The following TLN2 variants were observed in gnomAD, a reference collection of about 807,000 sequenced individuals.
TLN2 encodes talin 2.
Under a neutral mutation model 294.7 loss-of-function variants are expected in TLN2, and 118 were observed. The observed-to-expected ratio is 0.40, with a 90% CI of 0.34 to 0.47. The LOEUF (loss-of-function observed/expected upper bound fraction) is 0.47, where lower values mean the gene tolerates loss of function less well. Ranked by LOEUF, TLN2 falls within the 20% of genes least tolerant of loss-of-function variation. The probability of loss-of-function intolerance (pLI) is 0.84; values close to 1 mark genes in which losing one functional copy is unlikely to be tolerated. For synonymous variants in TLN2, 1,431 were observed against 1,304.5 expected (o/e 1.10, Z -2.09); for missense variants, 3,083 against 3,282.2 (o/e 0.94, Z 1.48).
rs567824202 is a variant in TLN2 at position 62,402,305 on chromosome 15, C to T, written c.-238+11620C>T. Among the ~76,000 whole-genome samples the T allele has an allele frequency of 7.2e-5, 11 of 152,238 alleles. No individual in the cohort carries two copies. In the South Asian group the frequency reaches 8.3e-4, roughly 11 times the overall value. On this transcript the variant is annotated intron_variant, in intron 1 of 58. Coordinates refer to ENST00000636159, the MANE Select transcript of TLN2 (RefSeq NM_015059.3). Reference sequence around the variant, plus strand: ...TGTAGACCTAATCATTACTGATAACCGCACCTCCAGCAAAATCTGGACAAA... The same window carrying T: ...TGTAGACCTAATCATTACTGATAACTGCACCTCCAGCAAAATCTGGACAAA...
intron 1 of TLN2, among the ~76,000 whole-genome samples, chr15:62,391,642 C>T (rs537569333): frequency 6.6e-6 from 1 of 151,636 alleles, no homozygotes; most frequent in South Asian, 2.1e-4. Context: ...GGAAAGTTTG[C>T]GCGCCGAGGC....
intron 40 of TLN2, among the ~76,000 whole-genome samples, chr15:62,764,962 A>C: frequency 9.6e-6 from 1 of 104,574 alleles, no homozygotes; most frequent in African/African-American, 3.8e-5. Flanking sequence ...ACAGAGCGAG[A>C]CTCCATCTTA....
chr15:62,532,521 C>T (rs1319808222), intron 1 of TLN2, among the ~76,000 whole-genome samples: 1 of 152,188 alleles, frequency 6.6e-6, no homozygotes, highest in African/African-American at 2.4e-5. Context: ...ACATGCTGCC[C>T]ACTGTCCCTG....
chr15:62,792,890 A>C, intron 46 of TLN2, 103 bp downstream of exon 46: 4 of 1,506,458 alleles, frequency 2.7e-6, no homozygotes, highest in Non-Finnish European at 3.6e-6. Context: ...AAACTAACCC[A>C]GCTGACTCAG....
chr15:62,728,193 A>G (rs1476168445), intron 28 of TLN2, among the ~76,000 whole-genome samples: 1 of 152,050 alleles, frequency 6.6e-6, no homozygotes, highest in Non-Finnish European at 1.5e-5. Flanking sequence ...GCATAGATTA[A>G]TTTTGCCTGT....
At chr15:62,617,860 G>A (rs79529081) in intron 2 of TLN2, among the ~76,000 whole-genome samples, 3 of 152,128 alleles carry the variant, frequency 2.0e-5, no homozygotes, top group Non-Finnish European at 4.4e-5. Context: ...TTATGAAACC[G>A]GAAGCAGAAC....
In TLN2 at chr15:62,783,906, A is replaced by T; in HGVS notation, c.5736+16A>T. ...ACCAGAGGAGGTCTGCCACCTTAAGACCCCTATTTTAAGATGCACACACAC... is the reference window on the plus strand; with the variant it reads ...ACCAGAGGAGGTCTGCCACCTTAAGTCCCCTATTTTAAGATGCACACACAC... On this transcript the variant is annotated intron_variant, in intron 45 of 58. Coordinates refer to ENST00000636159, the MANE Select transcript of TLN2 (RefSeq NM_015059.3). 12 of 1,612,934 alleles carry T rather than the reference A, an allele frequency of 7.4e-6. No homozygotes were observed. The highest frequency in any genetic ancestry group is 1.0e-5 in the Non-Finnish European group (12 of 1,179,754).
chr15:62,611,398 C>T (rs1176704261), intron 2 of TLN2, among the ~76,000 whole-genome samples: 3 of 151,988 alleles, frequency 2.0e-5, no homozygotes, highest in African/African-American at 7.3e-5. Context: ...CTGGGAGATC[C>T]ACTCTTGTTG....
At chr15:62,612,622 G>A (rs942812345) in intron 2 of TLN2, among the ~76,000 whole-genome samples, 1 of 152,134 alleles carries the variant, frequency 6.6e-6, no homozygotes, top group East Asian at 1.9e-4. Flanking sequence ...TGGATAATGA[G>A]CCTGCTTGTT....
intron 32 of TLN2, among the ~76,000 whole-genome samples, chr15:62,742,110 A>G (rs1448040573): frequency 6.8e-6 from 1 of 147,924 alleles, no homozygotes; most frequent in African/African-American, 2.5e-5. Context: ...TTTGCTTGCA[A>G]ACCCTTGAGT....
chr15:62,577,143 A>G (rs1487783945), intron 1 of TLN2, among the ~76,000 whole-genome samples: 2 of 152,214 alleles, frequency 1.3e-5, no homozygotes, highest in African/African-American at 2.4e-5. Flanking sequence ...TATGCTTCTT[A>G]TTGTTGAAAA....
At chr15:62,824,158 C>G (rs957961381) in intron 54 of TLN2, 1 of 340,840 alleles carries the variant, frequency 2.9e-6, no homozygotes, top group Non-Finnish European at 5.7e-6. Context: ...TCCATTTCTT[C>G]TTATAGCATT....
At chr15:62,665,829 T>G (rs982526800) in intron 9 of TLN2, among the ~76,000 whole-genome samples, 4 of 152,226 alleles carry the variant, frequency 2.6e-5, no homozygotes, top group African/African-American at 9.6e-5. Flanking sequence ...TGTGTGCTTT[T>G]GTCAGAATAA....
At chr15:62,596,429 G>T (rs1382047940) in intron 2 of TLN2, among the ~76,000 whole-genome samples, 1 of 151,900 alleles carries the variant, frequency 6.6e-6, no homozygotes, top group East Asian at 1.9e-4. Flanking sequence ...ACTTTTATTT[G>T]TTAATATATT....
intron 1 of TLN2, among the ~76,000 whole-genome samples, chr15:62,471,639 T>C (rs1429755395): frequency 6.6e-6 from 1 of 152,148 alleles, no homozygotes; most frequent in Non-Finnish European, 1.5e-5. Flanking sequence ...ACTACCCTTT[T>C]CTGCTGACAC....
At chr15:62,704,331 A>G (rs11629722) in intron 19 of TLN2, among the ~76,000 whole-genome samples, 75,949 of 152,010 alleles carry the variant, frequency 0.5, 21,408 homozygotes, top group Middle Eastern at 0.65. Flanking sequence ...CCACCTCTTC[A>G]TTTGGCAATG....
chr15:62,412,252 C>G (rs2033819473), intron 1 of TLN2, among the ~76,000 whole-genome samples: 1 of 152,138 alleles, frequency 6.6e-6, no homozygotes, highest in South Asian at 2.1e-4. Context: ...AAAGGCTTGC[C>G]TAGAGGACTG....
intron 1 of TLN2, among the ~76,000 whole-genome samples, chr15:62,442,497 A>AG (rs1198509640): frequency 6.8e-5 from 10 of 148,134 alleles, no homozygotes; most frequent in Non-Finnish European, 6.0e-5. Flanking sequence ...TGTCTCAGAA[A>AG]AAAAAAAAAA....
Position 62,774,743 on chromosome 15 carries a change from A to G in TLN2, c.5368-2021A>G, listed in dbSNP as rs1372063417. 2.0e-5 allele frequency among the ~76,000 whole-genome samples: 3 copies of G among 152,166 alleles called. 1 individual carries two copies. The highest frequency in any genetic ancestry group is 1.3e-4 in the Admixed American group (2 of 15,282). ...TTCTGGGATAGCCAAGAGCAAGGAT[A>G]TGCTTTTATAGATTTCAGTGACCTG... is the stretch of plus-strand genomic sequence containing the variant. On this transcript the variant is annotated intron_variant, in intron 42 of 58. Coordinates refer to ENST00000636159, the MANE Select transcript of TLN2 (RefSeq NM_015059.3).
Sources: gnomAD v4.1 joint callset for allele counts (sites outside exome capture counted in the v4.1 genomes callset) on GRCh38, gnomAD v4.1.1 for gene constraint, MANE v1.5 for transcripts, NCBI Gene and HGNC (gene_info 2026-07-23, HGNC 2026-07-21) for gene names.